The following CTNNA3 variants were observed in gnomAD, a reference collection of about 807,000 sequenced individuals.
CTNNA3 encodes the protein catenin alpha 3.
Under a neutral mutation model 95.7 loss-of-function variants are expected in CTNNA3, and 76 were observed. That is an observed-to-expected ratio of 0.79 (90% CI 0.66 to 0.96). The LOEUF is 0.96. Ranked by LOEUF, CTNNA3 falls within the 40% of genes least tolerant of loss-of-function variation. CTNNA3 has a pLI of 0.00. For missense variants in CTNNA3, 1,191 were observed against 1,089.8 expected (o/e 1.09, Z -1.31); for synonymous variants, 431 against 374.4 (o/e 1.15, Z -1.74).
intron 13 of CTNNA3, among the ~76,000 whole-genome samples, chr10:66,244,592 T>TCG (rs35803399): frequency 1.7e-3 from 11 of 6,410 alleles, no homozygotes; most frequent in African/African-American, 3.0e-3. Context: ...AGAAAAACAA[T>TCG]CTGCCTGGTA....
intron 16 of CTNNA3, among the ~76,000 whole-genome samples, chr10:65,983,172 A>C (rs1185502943): frequency 6.6e-6 from 1 of 151,664 alleles, no homozygotes; most frequent in Non-Finnish European, 1.5e-5. Context: ...TTGTTCAGTT[A>C]CAATTAGGTG....
chr10:66,760,681 G>A (rs370282029), intron 9 of CTNNA3, among the ~76,000 whole-genome samples: 10 of 152,066 alleles, frequency 6.6e-5, no homozygotes, highest in South Asian at 2.1e-4. Flanking sequence ...TCCAAAGACC[G>A]TAAGTAGAAA....
intron 11 of CTNNA3, among the ~76,000 whole-genome samples, chr10:66,466,331 C>T (rs1239492542): frequency 7.9e-6 from 1 of 126,648 alleles, no homozygotes; most frequent in East Asian, 2.8e-4. Context: ...CATACACGCA[C>T]CCACCTATAC....
At chr10:67,521,540 C>T (rs1839985830) in intron 5 of CTNNA3, among the ~76,000 whole-genome samples, 1 of 152,154 alleles carries the variant, frequency 6.6e-6, no homozygotes, top group African/African-American at 2.4e-5. Context: ...TAGAGACTCC[C>T]TTTATGCCTC....
chr10:66,779,065 A>T (rs1399681725), intron 7 of CTNNA3, among the ~76,000 whole-genome samples: 1 of 152,180 alleles, frequency 6.6e-6, no homozygotes, highest in Non-Finnish European at 1.5e-5. Context: ...CTTACTCCCT[A>T]GTGGAGAAAC....
chr10:66,193,277 CAG>C (rs2086779099), intron 13 of CTNNA3, among the ~76,000 whole-genome samples: 1 of 152,034 alleles, frequency 6.6e-6, no homozygotes, highest in Non-Finnish European at 1.5e-5. Context: ...AGATCCTGGC[CAG>C]AGAAGTATGC....
At chr10:65,934,788 T>C (rs977569623) in intron 17 of CTNNA3, among the ~76,000 whole-genome samples, 1 of 152,096 alleles carries the variant, frequency 6.6e-6, no homozygotes, top group African/African-American at 2.4e-5. Flanking sequence ...GCCCCTTTAA[T>C]AAGTAAAAGA....
chr10:66,223,055 A>C (rs529512950), intron 13 of CTNNA3, among the ~76,000 whole-genome samples: 1 of 152,244 alleles, frequency 6.6e-6, no homozygotes, highest in Admixed American at 6.5e-5. Flanking sequence ...CTAAGATACA[A>C]AAACCAAAAA....
intron 7 of CTNNA3, among the ~76,000 whole-genome samples, chr10:67,077,402 T>C (rs930834212): frequency 6.6e-6 from 1 of 152,152 alleles, no homozygotes; most frequent in Non-Finnish European, 1.5e-5. Context: ...CCCTGATGGC[T>C]TTTTGAGTCC....
At chr10:67,566,497 C>T (rs530785056) in intron 3 of CTNNA3, among the ~76,000 whole-genome samples, 34 of 152,020 alleles carry the variant, frequency 2.2e-4, no homozygotes, top group East Asian at 9.7e-4. Context: ...GTTAGAATGG[C>T]GATCATTAAA....
intron 5 of CTNNA3, among the ~76,000 whole-genome samples, chr10:67,432,823 A>G (rs1304470560): frequency 6.6e-6 from 1 of 152,064 alleles, no homozygotes; most frequent in Non-Finnish European, 1.5e-5. Flanking sequence ...AGCCCATGAC[A>G]ACGATCATGA....
chr10:67,454,832 G>C (rs1327260440), intron 5 of CTNNA3, among the ~76,000 whole-genome samples: 1 of 152,056 alleles, frequency 6.6e-6, no homozygotes, highest in Non-Finnish European at 1.5e-5. Context: ...AAAACATTTT[G>C]TACCATTCTA....
chr10:67,122,393 G>T (rs1589763308), intron 7 of CTNNA3, among the ~76,000 whole-genome samples: 1 of 152,026 alleles, frequency 6.6e-6, no homozygotes, highest in Non-Finnish European at 1.5e-5. Context: ...TAGAAGAAAT[G>T]ATGTTAGTAA....
intron 15 of CTNNA3, among the ~76,000 whole-genome samples, chr10:65,994,435 T>C (rs140908914): frequency 6.3e-4 from 96 of 152,152 alleles, no homozygotes; most frequent in Middle Eastern, 3.4e-3. Flanking sequence ...ACATTTTTTT[T>C]TTTTGGTTTT....
At chr10:66,612,041 C>G (rs533094543) in intron 10 of CTNNA3, among the ~76,000 whole-genome samples, 4 of 152,066 alleles carry the variant, frequency 2.6e-5, no homozygotes, top group Admixed American at 2.0e-4. Flanking sequence ...TAAAGTGTCC[C>G]TTTCTTAATT....
chr10:67,552,886 T>C (rs556236869), intron 3 of CTNNA3, among the ~76,000 whole-genome samples: 29 of 152,316 alleles, frequency 1.9e-4, no homozygotes, highest in African/African-American at 6.7e-4. Context: ...ATGATGTATA[T>C]GTACCACATT....
At chr10:65,943,674 T>C (rs1589154860) in intron 17 of CTNNA3, among the ~76,000 whole-genome samples, 1 of 152,182 alleles carries the variant, frequency 6.6e-6, no homozygotes, top group East Asian at 1.9e-4. Flanking sequence ...TATGATTCAA[T>C]TTCATCTTTA....
intron 11 of CTNNA3, among the ~76,000 whole-genome samples, chr10:66,384,970 A>G (rs1253812312): frequency 6.6e-6 from 1 of 152,216 alleles, no homozygotes; most frequent in Non-Finnish European, 1.5e-5. Context: ...TTAGCACTAA[A>G]TGCCCACAAG....
chr10:66,129,845 A>C (rs1237476040), intron 13 of CTNNA3, among the ~76,000 whole-genome samples: 2 of 151,618 alleles, frequency 1.3e-5, no homozygotes, highest in Non-Finnish European at 2.9e-5. Flanking sequence ...ACCCCCCCAC[A>C]TCACTTAGCC....
Sources: allele counts gnomAD v4.1 joint callset (sites outside exome capture counted in the v4.1 genomes callset), GRCh38; gene constraint gnomAD v4.1.1; transcripts MANE v1.5; gene names NCBI Gene and HGNC (gene_info 2026-07-23, HGNC 2026-07-21).